EPHA6: variants seen among roughly 807,000 people sequenced by gnomAD.
The protein encoded by EPHA6 is EPH receptor A6.
EPHA6 carries 50 observed loss-of-function variants against 112.0 expected under a neutral mutation model. The ratio of observed to expected loss-of-function variants is 0.45; its 90% CI spans 0.36 to 0.56. The LOEUF (loss-of-function observed/expected upper bound fraction) is 0.56. Ranked by LOEUF, EPHA6 falls within the 20% of genes least tolerant of loss-of-function variation. The pLI, the probability that EPHA6 is intolerant of heterozygous loss-of-function variation, is 0.00. For synonymous variants in EPHA6, 529 were observed against 490.7 expected (o/e 1.08, Z -1.03); for missense variants, 1,280 against 1,417.4 (o/e 0.90, Z 1.56).
chr3:97,669,250 C>G (rs990407901), intron 14 of EPHA6, among the ~76,000 whole-genome samples: 3 of 151,640 alleles, frequency 2.0e-5, no homozygotes, highest in Admixed American at 6.6e-5. Flanking sequence ...TCCTCTTTTA[C>G]TTTCTGTTTT....
chr3:97,283,553 A>G (rs1452499857), intron 5 of EPHA6, among the ~76,000 whole-genome samples: 4 of 152,104 alleles, frequency 2.6e-5, no homozygotes, highest in Admixed American at 6.6e-5. Context: ...AATGGTGATT[A>G]TAATATTAAA....
chr3:97,619,365 G>A (rs1237831470), intron 13 of EPHA6, among the ~76,000 whole-genome samples: 1 of 137,626 alleles, frequency 7.3e-6, no homozygotes, highest in Non-Finnish European at 1.6e-5. Flanking sequence ...AGACAAGGAT[G>A]CCCTATCTCA....
chr3:97,126,628 A>C (rs1053801113), intron 3 of EPHA6, among the ~76,000 whole-genome samples: 1 of 152,034 alleles, frequency 6.6e-6, no homozygotes, highest in African/African-American at 2.4e-5. Context: ...CATTACACTA[A>C]ACTTCTACTA....
At chr3:97,455,692 G>A (rs1013260335) in intron 7 of EPHA6, among the ~76,000 whole-genome samples, 1 of 151,918 alleles carries the variant, frequency 6.6e-6, no homozygotes, top group Non-Finnish European at 1.5e-5. Flanking sequence ...GTGTTTTAAT[G>A]CATATTTCTG....
At chr3:96,941,113 TTC>T (rs2040915605) in intron 2 of EPHA6, among the ~76,000 whole-genome samples, 3 of 152,152 alleles carry the variant, frequency 2.0e-5, no homozygotes, top group African/African-American at 7.2e-5. Flanking sequence ...CTTTGTGGCA[TTC>T]TCTTTATTTC....
intron 3 of EPHA6, among the ~76,000 whole-genome samples, chr3:97,076,066 G>A (rs1248623917): frequency 1.3e-5 from 2 of 151,934 alleles, no homozygotes; most frequent in Admixed American, 1.3e-4. Context: ...CCCTACAGTG[G>A]CCTTTAAGTG....
chr3:97,725,821 G>A (rs1441869531), intron 15 of EPHA6, among the ~76,000 whole-genome samples: 1 of 151,982 alleles, frequency 6.6e-6, no homozygotes, highest in Admixed American at 6.6e-5. Context: ...TAAGATGGAG[G>A]GGAAAATCAC....
chr3:97,007,066 G>A lies in EPHA6; in HGVS notation c.1114+19073G>A, dbSNP rs1168725820. Among the ~76,000 whole-genome samples, 4 of 152,160 alleles carry A rather than the reference G, an allele frequency of 2.6e-5. No homozygotes were observed. The East Asian group carries it at 7.7e-4, about 29-fold the overall frequency. On this transcript the variant is annotated intron_variant, in intron 3 of 17. Transcript: ENST00000389672. ...AATAAGTGCCATGTGGCACTGAGAA[G>A]AATATATATTCTGTTGTTTTGGGGT... is the stretch of plus-strand genomic sequence containing the variant.
At chr3:97,503,097 A>T in intron 10 of EPHA6, among the ~76,000 whole-genome samples, 1 of 152,044 alleles carries the variant, frequency 6.6e-6, no homozygotes, top group East Asian at 1.9e-4. Context: ...AAAATACTAT[A>T]AACAGCTTTG....
At chr3:97,506,362 A>G (rs1011669719) in intron 10 of EPHA6, among the ~76,000 whole-genome samples, 33 of 152,140 alleles carry the variant, frequency 2.2e-4, no homozygotes, top group Non-Finnish European at 4.3e-4. Flanking sequence ...TTTTTGTATA[A>G]AGTGTAAGGA....
chr3:97,658,449 C>T (rs1483601170), intron 14 of EPHA6, among the ~76,000 whole-genome samples: 1 of 151,790 alleles, frequency 6.6e-6, no homozygotes, highest in Non-Finnish European at 1.5e-5. Context: ...ACATAGACAA[C>T]TTTTCTTAGA....
At chr3:97,446,536 CAT>C (rs2090351798) in intron 6 of EPHA6, among the ~76,000 whole-genome samples, 1 of 151,984 alleles carries the variant, frequency 6.6e-6, no homozygotes, top group African/African-American at 2.4e-5. Context: ...ACTTTTGAAC[CAT>C]ATCTTCTCTC....
chr3:97,518,846 T>A (rs1250175793), intron 10 of EPHA6, among the ~76,000 whole-genome samples: 1 of 152,008 alleles, frequency 6.6e-6, no homozygotes, highest in Non-Finnish European at 1.5e-5. Context: ...TTTTTGTTTG[T>A]TTTGTTTTGT....
intron 2 of EPHA6, 136 bp from the exon 3 acceptor site, chr3:96,987,194 T>C (rs1158219555): frequency 2.8e-6 from 2 of 726,730 alleles, no homozygotes; most frequent in East Asian, 2.7e-5. Flanking sequence ...TGCTGTTCCA[T>C]TGATACTTTG....
chr3:97,220,961 T>C (rs866602824), intron 3 of EPHA6, among the ~76,000 whole-genome samples: 27 of 152,018 alleles, frequency 1.8e-4, no homozygotes, highest in African/African-American at 5.8e-4. Flanking sequence ...TTCCAAAAGA[T>C]GTAGTGATTT....
intron 3 of EPHA6, among the ~76,000 whole-genome samples, chr3:97,061,584 T>G (rs2046022669): frequency 6.6e-6 from 1 of 152,144 alleles, no homozygotes; most frequent in South Asian, 2.1e-4. Flanking sequence ...CACTATATGT[T>G]TATGGTAAGG....
chr3:96,923,790 G>T (rs2039896481), intron 2 of EPHA6, among the ~76,000 whole-genome samples: 1 of 152,118 alleles, frequency 6.6e-6, no homozygotes, highest in African/African-American at 2.4e-5. Flanking sequence ...AATCCATCTT[G>T]AGTTGATTTT....
At chr3:97,134,709 A>G (rs889799170) in intron 3 of EPHA6, among the ~76,000 whole-genome samples, 2 of 152,286 alleles carry the variant, frequency 1.3e-5, no homozygotes, top group East Asian at 1.9e-4. Flanking sequence ...ATGCATCATT[A>G]TGATTTTTTA....
intron 5 of EPHA6, among the ~76,000 whole-genome samples, chr3:97,326,440 G>A (rs1017148092): frequency 6.6e-6 from 1 of 151,604 alleles, no homozygotes; most frequent in East Asian, 1.9e-4. Context: ...AACTAGCTTA[G>A]TAGTGATTAA....
Sources: gnomAD v4.1 joint callset for allele counts (sites outside exome capture counted in the v4.1 genomes callset) on GRCh38, gnomAD v4.1.1 for gene constraint, MANE v1.5 for transcripts, NCBI Gene and HGNC (gene_info 2026-07-23, HGNC 2026-07-21) for gene names.